Variants in PPP2R5A observed in about 807,000 individuals in gnomAD.
PPP2R5A encodes the protein serine/threonine-protein phosphatase 2A 56 kDa regulatory subunit alpha isoform.
In PPP2R5A, 25 loss-of-function variants were observed where a neutral mutation model predicts 64.2. The observed-to-expected ratio is 0.39, with a 90% CI of 0.28 to 0.54. The LOEUF (loss-of-function observed/expected upper bound fraction) is 0.54, where lower values mean the gene tolerates loss of function less well. PPP2R5A is among the 20% of genes least tolerant of loss of function. PPP2R5A has a pLI of 0.67. For missense variants in PPP2R5A, 425 were observed against 576.3 expected, an observed-to-expected ratio of 0.74 and a Z score of 2.69; for synonymous variants, 198 against 201.2, an observed-to-expected ratio of 0.98 and a Z score of 0.13.
chr1:212,317,732 A>G (rs902688528), intron 1 of PPP2R5A, among the ~76,000 whole-genome samples: 6 of 152,228 alleles, frequency 3.9e-5, no homozygotes, highest in African/African-American at 1.4e-4. Context: ...TTACGCCTGT[A>G]ATCCCAGCAT....
chr1:212,290,735 C>G (rs929991494), intron 1 of PPP2R5A, among the ~76,000 whole-genome samples: 1 of 152,148 alleles, frequency 6.6e-6, no homozygotes, highest in Non-Finnish European at 1.5e-5. Flanking sequence ...GAATAAAGTG[C>G]TAATCCAATA....
In PPP2R5A at chr1:212,286,066, C is replaced by A; in HGVS notation, c.-45C>A. On this transcript the variant is annotated 5_prime_UTR_variant, in exon 1 of 13. Coordinates refer to ENST00000261461, the MANE Select transcript of PPP2R5A (RefSeq NM_006243.4). ...CCTGCCGTCTCCGCCGCTGCCCGTG[C>A]CTTGCAAGCAGCAGCCGGAGCTGCC... is the stretch of plus-strand genomic sequence containing the variant. 1.3e-6 allele frequency: 2 copies of A among 1,489,134 alleles called. No individual in the cohort carries two copies. The highest frequency in any genetic ancestry group is 1.3e-5 in the South Asian group (1 of 79,006). The allele number at this position is 1,489,134 out of a possible 1,614,324, so 92.2% of individuals were successfully genotyped here.
chr1:212,322,180 A>G (rs1386792706), intron 1 of PPP2R5A, among the ~76,000 whole-genome samples: 1 of 141,970 alleles, frequency 7.0e-6, no homozygotes, highest in Non-Finnish European at 1.5e-5. Flanking sequence ...AGACCGTGGA[A>G]AGAGAGGGAG....
At chr1:212,360,312 T>A (rs1186154833) in intron 12 of PPP2R5A, among the ~76,000 whole-genome samples, 1 of 152,208 alleles carries the variant, frequency 6.6e-6, no homozygotes, top group Non-Finnish European at 1.5e-5. Flanking sequence ...CTGATTAGAC[T>A]ACTACAACTG....
chr1:212,297,127 T>TTTTTTTTTTTTTTTTTTTTTTTTG (rs1658711629), intron 1 of PPP2R5A, among the ~76,000 whole-genome samples: 1 of 12,800 alleles, frequency 7.8e-5, no homozygotes, highest in African/African-American at 3.2e-4. Context: ...TTTTTTTTTT[T>TTTTTTTTTTTTTTTTTTTTTTTTG]TTTTTTTTTT....
At chr1:212,349,090 T>C (rs1659832449) in intron 7 of PPP2R5A, 99 bp from the exon 8 acceptor site, 4 of 665,468 alleles carry the variant, frequency 6.0e-6, no homozygotes, top group Non-Finnish European at 9.0e-6. Context: ...GAATAATTTA[T>C]CAAAATGAGG....
chr1:212,325,785 A>G (rs1028111105), intron 1 of PPP2R5A, among the ~76,000 whole-genome samples: 2 of 152,184 alleles, frequency 1.3e-5, no homozygotes, highest in Non-Finnish European at 2.9e-5. Flanking sequence ...CTATGGATTG[A>G]GAAGGATTCT....
intron 1 of PPP2R5A, among the ~76,000 whole-genome samples, chr1:212,299,936 C>A (rs1658769587): frequency 6.6e-6 from 1 of 152,042 alleles, no homozygotes; most frequent in Non-Finnish European, 1.5e-5. Context: ...CCTCAGCCTC[C>A]CGAGTAGCTG....
intron 5 of PPP2R5A, among the ~76,000 whole-genome samples, 167 bp from the exon 6 acceptor site, chr1:212,347,180 G>A (rs1326326769): frequency 6.6e-6 from 1 of 152,156 alleles, no homozygotes; most frequent in African/African-American, 2.4e-5. Context: ...TCTTTTTTAA[G>A]ATTGATATGA....
chr1:212,297,540 C>G (rs1198560168), intron 1 of PPP2R5A: 1 of 152,124 alleles, frequency 6.6e-6, no homozygotes, highest in Admixed American at 6.5e-5. Context: ...TAAGACTAAG[C>G]CTAGAGCCTG....
chr1:212,307,135 G>A (rs1658930625), intron 1 of PPP2R5A, among the ~76,000 whole-genome samples: 1 of 151,966 alleles, frequency 6.6e-6, no homozygotes, highest in Admixed American at 6.6e-5. Flanking sequence ...CGTTTTCTCT[G>A]TCCCTCATGT....
intron 1 of PPP2R5A, among the ~76,000 whole-genome samples, chr1:212,316,464 T>C (rs1659154589): frequency 6.6e-6 from 1 of 152,148 alleles, no homozygotes; most frequent in South Asian, 2.1e-4. Flanking sequence ...CTGTACTTAA[T>C]TGATAGTTGA....
intron 1 of PPP2R5A, among the ~76,000 whole-genome samples, chr1:212,320,653 CT>C (rs1659259527): frequency 8.7e-6 from 1 of 114,538 alleles, no homozygotes; most frequent in Admixed American, 9.2e-5. Context: ...CCCCGCCTCC[CT>C]CCCGGATGGG....
intron 1 of PPP2R5A, chr1:212,309,635 A>G (rs1398468320): frequency 5.5e-6 from 3 of 548,506 alleles, no homozygotes; most frequent in Non-Finnish European, 9.7e-6. Flanking sequence ...TCTCACAGGC[A>G]GGTTCTACAA....
chr1:212,333,358 C>G (rs1187718332), intron 2 of PPP2R5A, 139 bp from the exon 3 acceptor site: 1 of 454,722 alleles, frequency 2.2e-6, no homozygotes, highest in Non-Finnish European at 3.9e-6. Context: ...TTCTTTGTAT[C>G]TTGAAGAGGT....
At chr1:212,306,733 CCATTTA>C (rs1189488925) in intron 1 of PPP2R5A, 1 of 136,924 alleles carries the variant, frequency 7.3e-6, no homozygotes, top group Admixed American at 7.4e-5. Flanking sequence ...CTTGGTTAAT[CCATTTA>C]CATTTATTTA....
At chr1:212,343,288 C>T (rs1659718561) in intron 4 of PPP2R5A, among the ~76,000 whole-genome samples, 1 of 152,082 alleles carries the variant, frequency 6.6e-6, no homozygotes, top group Non-Finnish European at 1.5e-5. Context: ...TTGGCTGGCC[C>T]CAAAGAAAAT....
At chr1:212,359,169 T>G (rs773121295) in intron 12 of PPP2R5A, among the ~76,000 whole-genome samples, 3 of 152,240 alleles carry the variant, frequency 2.0e-5, no homozygotes, top group Non-Finnish European at 4.4e-5. Flanking sequence ...ATTTTAAATA[T>G]CAATTTGTAC....
intron 1 of PPP2R5A, among the ~76,000 whole-genome samples, chr1:212,287,897 A>G (rs1658532913): frequency 6.6e-6 from 1 of 152,110 alleles, no homozygotes. Context: ...TTTGCTTTTT[A>G]GTAAGATATT....
Sources: allele counts gnomAD v4.1 joint callset (sites outside exome capture counted in the v4.1 genomes callset), GRCh38; gene constraint gnomAD v4.1.1; transcripts MANE v1.5; gene names NCBI Gene and HGNC (gene_info 2026-07-23, HGNC 2026-07-21).